Variants in ROR2 observed in about 807,000 individuals in gnomAD.
The protein encoded by ROR2 is tyrosine-protein kinase transmembrane receptor ROR2.
ROR2 carries 33 observed loss-of-function variants against 74.9 expected under a neutral mutation model. That is an observed-to-expected ratio of 0.44 (90% CI 0.33 to 0.59). The LOEUF is 0.59. ROR2 is among the 20% of genes least tolerant of loss of function. ROR2 has a pLI of 0.02. For synonymous variants in ROR2, 586 were observed against 558.7 expected (o/e 1.05, Z -0.69); for missense variants, 1,216 against 1,313.8 (o/e 0.93, Z 1.15).
In ROR2 at chr9:91,866,250, G is replaced by A. The variant is rs1028407142; in HGVS notation, c.97+83617C>T. ...TTCTCCTGCCTCAGTCTCCTGAGTA[G>A]CTGGAATTACAGGCGTGCACCACCA... On this transcript the variant is annotated intron_variant, in intron 1 of 8. Transcript: ENST00000375708. Among the ~76,000 whole-genome samples the A allele has an allele frequency of 3.3e-5, 5 of 151,876 alleles. No individual in the cohort carries two copies. In the East Asian group the frequency reaches 7.7e-4, roughly 23 times the overall value.
chr9:91,779,743 A>C (rs1052165216), intron 1 of ROR2, among the ~76,000 whole-genome samples: 5 of 152,132 alleles, frequency 3.3e-5, no homozygotes, highest in African/African-American at 1.2e-4. Context: ...ATGCACCCTA[A>C]CCCTATGAAC....
At chr9:91,779,222 T>C (rs1383934785) in intron 1 of ROR2, among the ~76,000 whole-genome samples, 1 of 152,078 alleles carries the variant, frequency 6.6e-6, no homozygotes, top group Non-Finnish European at 1.5e-5. Context: ...TGTACTGTCA[T>C]CACAACTTTT....
intron 1 of ROR2, among the ~76,000 whole-genome samples, chr9:91,896,212 C>T (rs1329131145): frequency 1.3e-5 from 2 of 152,148 alleles, no homozygotes; most frequent in Non-Finnish European, 2.9e-5. Context: ...GCAGCATCAC[C>T]CTAGACCATC....
intron 1 of ROR2, among the ~76,000 whole-genome samples, chr9:91,893,099 C>G (rs573474295): frequency 6.6e-6 from 1 of 152,170 alleles, no homozygotes; most frequent in Non-Finnish European, 1.5e-5. Context: ...GGCCACTCTT[C>G]CCACAGACAA....
chr9:91,773,216 G>A (rs1056759545), intron 2 of ROR2, among the ~76,000 whole-genome samples: 1 of 152,138 alleles, frequency 6.6e-6, no homozygotes, highest in Non-Finnish European at 1.5e-5. Context: ...TGAAACAAAG[G>A]ACTGCAATAC....
At chr9:91,755,890 A>G in intron 4 of ROR2, 181 bp downstream of exon 4, 1 of 670,430 alleles carries the variant, frequency 1.5e-6, no homozygotes, top group Non-Finnish European at 2.7e-6. Context: ...CTGTACAAGA[A>G]ACATGAAAAA....
chr9:91,764,874 T>A (rs1826015834), intron 2 of ROR2, among the ~76,000 whole-genome samples: 1 of 152,242 alleles, frequency 6.6e-6, no homozygotes, highest in African/African-American at 2.4e-5. Context: ...GAGGCAATAC[T>A]GTCCTCTGGC....
intron 1 of ROR2, among the ~76,000 whole-genome samples, chr9:91,802,251 T>G (rs575210037): frequency 6.6e-6 from 1 of 151,930 alleles, no homozygotes; most frequent in South Asian, 2.1e-4. Context: ...CTTTTTTTTG[T>G]ATTTTTAGTA....
chr9:91,949,018 A>C (rs111823595), intron 1 of ROR2: 50,580 of 822,252 alleles, frequency 0.062, 2,061 homozygotes, highest in African/African-American at 0.19. Flanking sequence ...CAAGCAGCCG[A>C]AACCGCGCAG....
chr9:91,731,672 G>A lies in ROR2; in HGVS notation c.938-517C>T, dbSNP rs79562442. Among the ~76,000 whole-genome samples the A allele has an allele frequency of 2.4e-3, 367 of 152,234 alleles. 14 individuals are homozygous for A. The East Asian group carries it at 0.06, about 25-fold the overall frequency. On this transcript the variant is annotated intron_variant, in intron 6 of 8. Coordinates refer to ENST00000375708, the MANE Select transcript of ROR2 (RefSeq NM_004560.4). ...TCTAAACCCTCCTGGCTGGGGCACC[G>A]TGGCTAACAAGGCGGGTGGATCACT...
intron 1 of ROR2, among the ~76,000 whole-genome samples, chr9:91,837,150 TTTG>T (rs1554681446): frequency 6.6e-5 from 10 of 151,914 alleles, no homozygotes; most frequent in East Asian, 1.9e-4. Context: ...TGTTTTTTTT[TTTG>T]TTGTTGTTGT....
intron 2 of ROR2, among the ~76,000 whole-genome samples, chr9:91,768,195 A>G (rs1826118957): frequency 6.6e-6 from 1 of 152,180 alleles, no homozygotes; most frequent in Non-Finnish European, 1.5e-5. Context: ...ACAAACCTTG[A>G]TTTCAGACTT....
chr9:91,853,705 C>T (rs146824200), intron 1 of ROR2, among the ~76,000 whole-genome samples: 16 of 152,332 alleles, frequency 1.1e-4, no homozygotes, highest in Non-Finnish European at 1.8e-4. Context: ...CGACATCCCA[C>T]TCTGAGAATC....
chr9:91,907,412 T>C (rs1054546324), intron 1 of ROR2, among the ~76,000 whole-genome samples: 3 of 152,124 alleles, frequency 2.0e-5, no homozygotes, highest in African/African-American at 7.2e-5. Context: ...CTCTCCTGAG[T>C]TCCTGGGGCA....
intron 1 of ROR2, among the ~76,000 whole-genome samples, chr9:91,805,584 C>T (rs1050383371): frequency 1.3e-5 from 2 of 152,220 alleles, no homozygotes; most frequent in African/African-American, 4.8e-5. Context: ...ATCACACTCA[C>T]CAACCTAAGG....
At chr9:91,927,273 T>A (rs774849881) in intron 1 of ROR2, among the ~76,000 whole-genome samples, 5 of 152,230 alleles carry the variant, frequency 3.3e-5, no homozygotes, top group Non-Finnish European at 5.9e-5. Flanking sequence ...GGTCACTTGG[T>A]GGTCACCGCC....
chr9:91,850,331 G>T (rs1829051462), intron 1 of ROR2, among the ~76,000 whole-genome samples: 1 of 152,226 alleles, frequency 6.6e-6, no homozygotes, highest in Non-Finnish European at 1.5e-5. Context: ...GTAATCCCCA[G>T]AACCTGTGAC....
chr9:91,907,168 T>C (rs1054200019), intron 1 of ROR2, among the ~76,000 whole-genome samples: 2 of 152,194 alleles, frequency 1.3e-5, no homozygotes, highest in Non-Finnish European at 2.9e-5. Flanking sequence ...TTGTCTTAAG[T>C]GATAAACAGG....
chr9:91,812,343 T>C (rs1232186835), intron 1 of ROR2, among the ~76,000 whole-genome samples: 2 of 152,078 alleles, frequency 1.3e-5, no homozygotes, highest in Non-Finnish European at 2.9e-5. Flanking sequence ...GATCCTTCTA[T>C]TTTTCCCAAG....
Sources: gnomAD v4.1 joint callset for allele counts (sites outside exome capture counted in the v4.1 genomes callset) on GRCh38, gnomAD v4.1.1 for gene constraint, MANE v1.5 for transcripts, NCBI Gene and HGNC (gene_info 2026-07-23, HGNC 2026-07-21) for gene names.